The following ZSCAN31 variants were observed in gnomAD, a reference collection of about 807,000 sequenced individuals.
ZSCAN31 encodes zinc finger and SCAN domain containing 31.
Under a neutral mutation model 22.5 loss-of-function variants are expected in ZSCAN31, and 14 were observed. The observed-to-expected ratio is 0.62, with a 90% confidence interval of 0.41 to 0.97. ZSCAN31 has a LOEUF of 0.97. Ranked by LOEUF, ZSCAN31 falls within the 50% of genes least tolerant of loss-of-function variation. The probability of loss-of-function intolerance (pLI) is 0.00; values close to 1 mark genes in which losing one functional copy is unlikely to be tolerated. For missense variants in ZSCAN31, 424 were observed against 483.4 expected (o/e 0.88, Z 1.15); for synonymous variants, 168 against 169.8 (o/e 0.99, Z 0.08).
In ZSCAN31 at chr6:28,327,542, A is replaced by T; in HGVS notation, c.382-9T>A. On this transcript the variant is annotated splice_polypyrimidine_tract_variant and intron_variant, in intron 2 of 3. Coordinates refer to ENST00000344279, the MANE Select transcript of ZSCAN31 (RefSeq NM_030899.5). ...TGTTCATGGTCTGGAGCCTGAAGGC[A>T]GGTAGGCATATTTGGTTAAAGAGGG... The T allele has an allele frequency of 6.2e-7, 1 of 1,611,450 alleles. No individual in the cohort carries two copies.
chr6:28,326,760 A>G lies in ZSCAN31; in HGVS notation c.627T>C (p.Asp209=), dbSNP rs761274986. The change falls in exon 4 of 4, where the codon GAT becomes GAC. Residue 209 remains aspartate (D), a synonymous_variant. Coordinates refer to ENST00000344279, the MANE Select transcript of ZSCAN31 (RefSeq NM_030899.5). ...EHLGDSKLQR[D]VSLDSKYRET... is the part of the protein sequence containing the mutation. Reference sequence around the variant, plus strand: ...CTCTGTACTTAGAATCCAAAGATACATCTCTTTGGAGTTTGCTATCCCCCA... The same window carrying G: ...CTCTGTACTTAGAATCCAAAGATACGTCTCTTTGGAGTTTGCTATCCCCCA... The G allele has an allele frequency of 2.2e-5, 35 of 1,613,662 alleles. No homozygotes were observed. The highest frequency in any genetic ancestry group is 1.6e-4 in the Middle Eastern group (1 of 6,084).
chr6:28,329,222 C>T (rs1328089711), intron 2 of ZSCAN31, 81 bp downstream of exon 2: 1 of 1,492,258 alleles, frequency 6.7e-7, no homozygotes, highest in African/African-American at 1.4e-5. Flanking sequence ...ATACATATAG[C>T]TATAGCCAAC....
rs1464581443 is a variant in ZSCAN31, at chr6:28,329,471, T to A, written c.213A>T (p.Glu71Asp). 6.2e-7 allele frequency: 1 copy of A among 1,614,128 alleles called. No homozygotes were observed. Among genetic ancestry groups the A allele is most frequent in the Non-Finnish European group, 8.5e-7 (1 of 1,180,024 alleles). The change falls in exon 2 of 4, where the codon GAA (glutamate) becomes GAT (aspartate). Residue 71 changes from glutamate to aspartate, a missense_variant. Transcript: ENST00000344279. ...CCAAGATTTGCTCTTTGGTGTGGAT[T>A]TCTGGCCTTAGCCACTGATGACAGA... The part of the protein sequence containing the change: ...RELCHQWLRP[E>D]IHTKEQILEL...
intron 2 of ZSCAN31, among the ~76,000 whole-genome samples, chr6:28,328,120 T>C (rs1277024246): frequency 6.6e-6 from 1 of 152,164 alleles, no homozygotes; most frequent in Non-Finnish European, 1.5e-5. Context: ...TAATAGAATA[T>C]CACAAGGCAA....
intron 3 of ZSCAN31, 72 bp from the exon 4 acceptor site, chr6:28,326,926 A>G (rs369584178): frequency 1.6e-5 from 22 of 1,345,718 alleles, no homozygotes; most frequent in South Asian, 6.8e-5. Context: ...GGATGGAAAT[A>G]GAAAGATCGA....
rs73742545 is a variant in ZSCAN31 at position 28,351,246 on chromosome 6, T to G, written c.-371+2616A>C. ...GGCTCAGATCCAAGTAGGGGCCAGGTAGTGAAACCTAAATGGAGTTTGTGG... is the reference window on the plus strand; with the variant it reads ...GGCTCAGATCCAAGTAGGGGCCAGGGAGTGAAACCTAAATGGAGTTTGTGG... On this transcript the variant is annotated intron_variant, in intron 2 of 7. Coordinates refer to the ZSCAN31 transcript ENST00000396838. This position sits in a 1 kb window ranked among gnomAD's most constrained non-coding sequence, Gnocchi z 4.6. Among the ~76,000 whole-genome samples the G allele has an allele frequency of 0.098, 14,858 of 152,204 alleles. 1,070 individuals carry two copies. Among genetic ancestry groups the G allele is most frequent in the East Asian group, 0.31 (1,604 of 5,170 alleles).
chr6:28,329,246 C>A, intron 2 of ZSCAN31, 57 bp downstream of exon 2: 1 of 1,522,938 alleles, frequency 6.6e-7, no homozygotes, highest in East Asian at 2.3e-5. Context: ...CCTGTGTCAC[C>A]AAACCCCACC....
chr6:28,335,384 G>C (rs72854527), intron 1 of ZSCAN31: 7,045 of 152,340 alleles, frequency 0.046, 254 homozygotes, highest in Non-Finnish European at 0.064. Flanking sequence ...AGGGAACAAG[G>C]CCTGACACAT....
In ZSCAN31 at chr6:28,325,191, A is replaced by G. The variant is rs1301648368; in HGVS notation, c.*975T>C. The G allele has an allele frequency of 1.3e-5, 2 of 152,244 alleles. No homozygotes were observed. The highest frequency in any genetic ancestry group is 2.9e-5 in the Non-Finnish European group (2 of 68,046). 9.4% of individuals were successfully genotyped at this position (152,244 alleles called of 1,614,324 possible). A position where few individuals can be genotyped will look rare whatever the true frequency, so the allele number is the denominator to read the frequency against. The stretch of plus-strand genomic sequence containing the variant: ...TAAGCAGCAAGCTGCCCAAGATATC[A>G]GACTTCTTTTCTTTATAAAACTACT... On this transcript the variant is annotated 3_prime_UTR_variant, in exon 4 of 4. Transcript: ENST00000344279.
chr6:28,355,398 T>C (rs917480052), upstream of ZSCAN31: 1 of 152,228 alleles, frequency 6.6e-6, no homozygotes, highest in Non-Finnish European at 1.5e-5. Flanking sequence ...AAGGGCAGCA[T>C]ATGCAGTTAG....
chr6:28,330,108 G>T (rs1763625596), intron 1 of ZSCAN31, among the ~76,000 whole-genome samples: 1 of 152,130 alleles, frequency 6.6e-6, no homozygotes, highest in Admixed American at 6.5e-5. Context: ...GACTGGGTTT[G>T]CTTACTTTTG....
chr6:28,345,710 C>T (rs1290977479), intron 2 of ZSCAN31, among the ~76,000 whole-genome samples: 1 of 152,156 alleles, frequency 6.6e-6, no homozygotes, highest in Non-Finnish European at 1.5e-5. Context: ...CATAACTTTA[C>T]ATGGGTTCAA....
chr6:28,332,090 G>A (rs890042092), intron 1 of ZSCAN31, among the ~76,000 whole-genome samples: 11 of 152,026 alleles, frequency 7.2e-5, no homozygotes, highest in Non-Finnish European at 1.2e-4. Context: ...GTAAGGACAG[G>A]GAAAGGAACA....
chr6:28,330,657 A>C (rs1018203384), intron 1 of ZSCAN31, among the ~76,000 whole-genome samples: 3 of 152,250 alleles, frequency 2.0e-5, no homozygotes, highest in African/African-American at 7.2e-5. Flanking sequence ...ATTTTGGATA[A>C]GGGATATTCA....
At chr6:28,356,178 C>G (rs562978222), upstream of ZSCAN31, 2 of 152,356 alleles carry the variant, frequency 1.3e-5, no homozygotes, top group Non-Finnish European at 2.9e-5. Context: ...TGGGTCAGTT[C>G]CCAATCAAAC....
At position 28,349,317 on chromosome 6, in the gene ZSCAN31, T is replaced by C. The variant is rs1027167405; in HGVS notation, c.-371+4545A>G. Among the ~76,000 whole-genome samples the C allele has an allele frequency of 6.6e-6, 1 of 152,088 alleles. No homozygotes were observed. Among genetic ancestry groups the C allele is most frequent in the Admixed American group, 6.5e-5 (1 of 15,268 alleles). On this transcript the variant is annotated intron_variant, in intron 2 of 7. Coordinates refer to the ZSCAN31 transcript ENST00000396838. The surrounding 1 kb of genome is among the most constrained non-coding windows in gnomAD (Gnocchi z 4.1). ...TTACTAATGTTTCCATTCAGGTATCTTTTGTAAGTATTTGCTTCTGTGATA... is the reference window on the plus strand; with the variant it reads ...TTACTAATGTTTCCATTCAGGTATCCTTTGTAAGTATTTGCTTCTGTGATA...
At position 28,349,395 on chromosome 6, in the gene ZSCAN31, A is replaced by C. The variant is rs1365002658; in HGVS notation, c.-371+4467T>G. ...AATTTTGATGGAGAATGTGATTGTG[A>C]ACATGAATTTTAAAAAGTCCAGCCA... On this transcript the variant is annotated intron_variant, in intron 2 of 7. Transcript: ENST00000396838. This position sits in a 1 kb window ranked among gnomAD's most constrained non-coding sequence, Gnocchi z 4.1. 1.3e-5 allele frequency among the ~76,000 whole-genome samples: 2 copies of C among 152,140 alleles called. No individual in the cohort carries two copies. Among genetic ancestry groups the C allele is most frequent in the East Asian group, 3.8e-4 (2 of 5,202 alleles).
At position 28,329,479 on chromosome 6, in the gene ZSCAN31, T is replaced by C; in HGVS notation, c.205A>G (p.Arg69Gly). ...TGCTCTTTGGTGTGGATTTCTGGCC[T>C]TAGCCACTGATGACAGAGTTCTCGG... ...RLRELCHQWL[R>G]PEIHTKEQIL... Residue 69 changes from arginine (R) to glycine (G), a missense_variant, in exon 2 of 4, where the codon AGG becomes GGG. Transcript: ENST00000344279. The C allele has an allele frequency of 6.2e-7, 1 of 1,614,156 alleles. No individual in the cohort carries two copies.
rs973128632 is a variant in ZSCAN31 at position 28,331,205 on chromosome 6, G to A, written c.-95-1427C>T. On this transcript the variant is annotated intron_variant, in intron 1 of 3. Transcript: ENST00000344279. The surrounding 1 kb of genome is among the most constrained non-coding windows in gnomAD (Gnocchi z 4.8). The stretch of plus-strand genomic sequence containing the variant: ...ATTTATAGAAAATATTAAGATTCAG[G>A]ATGGAAATGGTAAGAATATGTTGCA... 5.9e-5 allele frequency among the ~76,000 whole-genome samples: 9 copies of A among 152,144 alleles called. No homozygotes were observed. The highest frequency in any genetic ancestry group is 4.6e-4 in the Admixed American group (7 of 15,266).
Sources: gnomAD v4.1 joint callset for allele counts (sites outside exome capture counted in the v4.1 genomes callset) on GRCh38, gnomAD v4.1.1 for gene constraint, Gnocchi (gnomAD v3.1) non-coding constraint, MANE v1.5 for transcripts, NCBI Gene and HGNC (gene_info 2026-07-23, HGNC 2026-07-21) for gene names.